The following LRP1 variants were observed in gnomAD, a reference collection of about 807,000 sequenced individuals.
LRP1 encodes LDL receptor related protein 1.
A neutral mutation model predicts 541.5 loss-of-function variants in LRP1; 51 were observed. The ratio of observed to expected loss-of-function variants is 0.09; its 90% CI spans 0.08 to 0.12. LRP1 has a LOEUF of 0.12. LRP1 is among the 10% of genes least tolerant of loss of function. LRP1 has a pLI of 1.00. For synonymous variants in LRP1, 2,219 were observed against 2,470.8 expected, an observed-to-expected ratio of 0.90 and a Z score of 3.02; for missense variants, 3,878 against 6,376.2, an observed-to-expected ratio of 0.61 and a Z score of 13.34.
At position 57,197,657 on chromosome 12, in the gene LRP1, A is replaced by T. The variant is rs1396153513; in HGVS notation, c.9275A>T (p.Asn3092Ile). The T allele has an allele frequency of 6.2e-7, 1 of 1,613,682 alleles. No homozygotes were observed. The highest frequency in any genetic ancestry group is 8.5e-7 in the Non-Finnish European group (1 of 1,179,950). The change falls in exon 58 of 89, where the codon AAT (asparagine) becomes ATT (isoleucine). Residue 3092 changes from asparagine to isoleucine, a missense_variant. Coordinates refer to ENST00000243077, the MANE Select transcript of LRP1 (RefSeq NM_002332.3). This position sits in a 1 kb window ranked among gnomAD's most constrained non-coding sequence, Gnocchi z 4.5. ...CGAAGGATGCACCTTAACGGGAGCA[A>T]TGTGCAGGTGAGGCGGGCGGCCCTC... ...MIRRMHLNGS[N>I]VQVLHRTGLS...
chr12:57,200,664 C>T (rs1395427951), intron 63 of LRP1, 35 bp from the exon 64 acceptor site: 4 of 1,592,386 alleles, frequency 2.5e-6, no homozygotes, highest in Non-Finnish European at 3.4e-6. Context: ...GTGTCCACCC[C>T]AGCCGCTCTG....
intron 6 of LRP1, chr12:57,149,856 G>A (rs1420591912): frequency 4.5e-6 from 3 of 673,762 alleles, no homozygotes; most frequent in South Asian, 3.2e-5. Context: ...CACCTTCGAA[G>A]TCCTCAGACT....
Position 57,197,641 on chromosome 12 carries a change from C to T in LRP1, c.9259C>T (p.His3087Tyr), listed in dbSNP as rs2229279. 1,737 of 1,614,012 alleles carry T rather than the reference C, an allele frequency of 1.1e-3. 20 individuals carry two copies. Among genetic ancestry groups the T allele is most frequent in the Middle Eastern group, 1.7e-4 (1 of 6,054 alleles). The part of the protein sequence containing the change: ...TTQGSMIRRM[H>Y]LNGSNVQVLH... ...CCAGGGCAGCATGATCCGAAGGATG[C>T]ACCTTAACGGGAGCAATGTGCAGGT... is the stretch of plus-strand genomic sequence containing the variant. Residue 3087 changes from histidine to tyrosine, a missense_variant, in exon 58 of 89, where the codon CAC (histidine) becomes TAC (tyrosine). Around this residue, in one of 13 missense-constraint regions of LRP1, gnomAD observed 1,100 missense variants for 1,827.4 expected, o/e 0.60. Coordinates refer to ENST00000243077, the MANE Select transcript of LRP1 (RefSeq NM_002332.3). This position sits in a 1 kb window ranked among gnomAD's most constrained non-coding sequence, Gnocchi z 4.5.
In LRP1 at chr12:57,158,543, C is replaced by G; in HGVS notation, c.1703C>G (p.Ala568Gly). 6.2e-7 allele frequency: 1 copy of G among 1,614,228 alleles called. No individual in the cohort carries two copies. The highest frequency in any genetic ancestry group is 8.5e-7 in the Non-Finnish European group (1 of 1,180,042). The change falls in exon 11 of 89, where the codon GCT becomes GGT. Residue 568 changes from alanine (A) to glycine (G), a missense_variant. By Grantham distance (60) the Ala-to-Gly change is moderately conservative. Coordinates refer to ENST00000243077, the MANE Select transcript of LRP1 (RefSeq NM_002332.3). This position sits in a 1 kb window ranked among gnomAD's most constrained non-coding sequence, Gnocchi z 5.3. Reference protein sequence around the residue: ...LMNPRALDFHAETGFIYFADT... With the variant: ...LMNPRALDFHGETGFIYFADT... ...AACCCCCGAGCCCTGGACTTCCACGCTGAGACCGGCTTCATCTACTTTGCC... is the reference window on the plus strand; with the variant it reads ...AACCCCCGAGCCCTGGACTTCCACGGTGAGACCGGCTTCATCTACTTTGCC...
At chr12:57,193,789 C>T (rs2036466708) in intron 47 of LRP1, 104 bp downstream of exon 47, 1 of 1,603,118 alleles carries the variant, frequency 6.2e-7, no homozygotes, top group Non-Finnish European at 8.5e-7. Context: ...GTTCAAGGCA[C>T]TCTGTGACAG....
intron 12 of LRP1, among the ~76,000 whole-genome samples, chr12:57,160,427 C>T (rs946274691): frequency 9.9e-5 from 15 of 152,270 alleles, no homozygotes; most frequent in Admixed American, 9.8e-4. Context: ...TCTTGGAGTT[C>T]CTCAGCCTGG....
Position 57,204,346 on chromosome 12 carries a change from T to TGTGGAGACAGGGGTCTGG in LRP1, c.10952-59_10952-42dup. On this transcript the variant is annotated intron_variant, in intron 70 of 88. Coordinates refer to ENST00000243077, the MANE Select transcript of LRP1 (RefSeq NM_002332.3). This position sits in a 1 kb window ranked among gnomAD's most constrained non-coding sequence, Gnocchi z 5.3. The stretch of plus-strand genomic sequence containing the variant: ...CCCCTCTGAGCCTGGAACCCCCACC[T>TGTGGAGACAGGGGTCTGG]GTGGAGACAGGGGTCTGGGTGGGCT... The TGTGGAGACAGGGGTCTGG allele has an allele frequency of 6.8e-7, 1 of 1,464,184 alleles. No individual in the cohort carries two copies. Among genetic ancestry groups the TGTGGAGACAGGGGTCTGG allele is most frequent in the East Asian group, 2.3e-5 (1 of 42,602 alleles). 90.7% of individuals were successfully genotyped at this position (1,464,184 alleles called of 1,614,324 possible).
At chr12:57,147,013 T>G (rs1406261881) in intron 6 of LRP1, among the ~76,000 whole-genome samples, 8 of 151,918 alleles carry the variant, frequency 5.3e-5, no homozygotes, top group Non-Finnish European at 1.2e-4. Context: ...CTTCTCAACT[T>G]CTACTCTGGC....
In LRP1 at chr12:57,210,498, G is replaced by A. The variant is rs745453667; in HGVS notation, c.12754+18G>A. On this transcript the variant is annotated intron_variant, in intron 82 of 88. Transcript: ENST00000243077. ...CCCCTCTGGTATGCCCCCTCATCCC[G>A]CCACGCCTGCTCCTTGCCCCTGGGC... The A allele has an allele frequency of 1.3e-5, 19 of 1,518,354 alleles. No homozygotes were observed. Among genetic ancestry groups the A allele is most frequent in the African/African-American group, 1.2e-4 (9 of 72,104 alleles). 94.1% of individuals were successfully genotyped at this position (1,518,354 alleles called of 1,614,324 possible). A position where few individuals can be genotyped will look rare whatever the true frequency, so the allele number is the denominator to read the frequency against.
At position 57,197,480 on chromosome 12, in the gene LRP1, C is replaced by T. The variant is rs1592653747; in HGVS notation, c.9163-65C>T. Reference sequence around the variant, plus strand: ...CCGCTTAGGTCCAACCATCCCTCCCCCAGATGCAAATGTGGCCCCTGTTGC... The same window carrying T: ...CCGCTTAGGTCCAACCATCCCTCCCTCAGATGCAAATGTGGCCCCTGTTGC... On this transcript the variant is annotated intron_variant, in intron 57 of 88. Transcript: ENST00000243077. This position sits in a 1 kb window ranked among gnomAD's most constrained non-coding sequence, Gnocchi z 4.5. 22 of 1,613,340 alleles carry T rather than the reference C, an allele frequency of 1.4e-5. No individual in the cohort carries two copies. The highest frequency in any genetic ancestry group is 1.9e-5 in the Non-Finnish European group (22 of 1,179,468).
rs2034965423 is a variant in LRP1, at chr12:57,128,631, A to C, written c.-334A>C. The C allele has an allele frequency of 7.4e-6, 3 of 406,132 alleles. No individual in the cohort carries two copies. The highest frequency in any genetic ancestry group is 9.1e-5 in the South Asian group (1 of 10,948). 25.2% of individuals were successfully genotyped at this position (406,132 alleles called of 1,614,324 possible). ...CACCCCCCCTCCCCGCCTCCTCCCA[A>C]TTGTGCATTTTTGCAGCCGGAGGCG... On this transcript the variant is annotated 5_prime_UTR_variant, in exon 1 of 89. Transcript: ENST00000243077.
At chr12:57,142,222 G>A (rs1000631972) in intron 3 of LRP1, among the ~76,000 whole-genome samples, 1 of 152,382 alleles carries the variant, frequency 6.6e-6, no homozygotes, top group East Asian at 1.9e-4. Flanking sequence ...GGGAGGCAGA[G>A]CCTCAAGCCT....
intron 4 of LRP1, chr12:57,144,703 A>G (rs1035315447): frequency 2.0e-6 from 1 of 492,328 alleles, no homozygotes; most frequent in Admixed American, 3.3e-5. Flanking sequence ...AAGTTCACTG[A>G]TGCACCCCTG....
chr12:57,191,924 C>CACAGG, intron 44 of LRP1, among the ~76,000 whole-genome samples: 1 of 1,162 alleles, frequency 8.6e-4, no homozygotes, highest in South Asian at 0.019. Context: ...ACACACACTA[C>CACAGG]ACATACCACA....
Position 57,198,685 on chromosome 12 carries a change from G to A in LRP1, c.9676+15G>A, listed in dbSNP as rs2036586191. On this transcript the variant is annotated intron_variant, in intron 60 of 88. Coordinates refer to ENST00000243077, the MANE Select transcript of LRP1 (RefSeq NM_002332.3). ...TCGCCACGTTGGTCAGTGTGCCAGT[G>A]AGGCTGTCCAGGCACAGCAGACTCA... 4 of 1,597,554 alleles carry A rather than the reference G, an allele frequency of 2.5e-6. No individual in the cohort carries two copies. In the East Asian group the frequency reaches 6.8e-5, roughly 27 times the overall value.
At chr12:57,132,693 G>GTT (rs997905352) in intron 1 of LRP1, among the ~76,000 whole-genome samples, 4 of 152,082 alleles carry the variant, frequency 2.6e-5, no homozygotes, top group African/African-American at 9.7e-5. Flanking sequence ...CACCCTCTCA[G>GTT]TTCATCTCTT....
intron 3 of LRP1, among the ~76,000 whole-genome samples, chr12:57,142,272 C>T (rs983311749): frequency 1.3e-5 from 2 of 152,174 alleles, no homozygotes; most frequent in East Asian, 1.9e-4. Context: ...CTCTTTTCTT[C>T]GGGGTCTGGG....
In LRP1 at chr12:57,201,760, C is replaced by T. The variant is rs1226530012; in HGVS notation, c.10469-20C>T. 1 of 1,613,556 alleles carries T rather than the reference C, an allele frequency of 6.2e-7. No individual in the cohort carries two copies. The highest frequency in any genetic ancestry group is 8.5e-7 in the Non-Finnish European group (1 of 1,179,736). ...TCCTGGAAGGAGTCTCATCCTCACC[C>T]CATGCCCACCCGCTTGCAGCCCAGA... On this transcript the variant is annotated intron_variant, in intron 66 of 88. Coordinates refer to ENST00000243077, the MANE Select transcript of LRP1 (RefSeq NM_002332.3). The surrounding 1 kb of genome is among the most constrained non-coding windows in gnomAD (Gnocchi z 6.4).
At chr12:57,130,869 T>A (rs1373550759) in intron 1 of LRP1, among the ~76,000 whole-genome samples, 1 of 152,102 alleles carries the variant, frequency 6.6e-6, no homozygotes, top group Non-Finnish European at 1.5e-5. Context: ...CCTCTGTATC[T>A]CCAGCTCAGA....
Sources: allele counts gnomAD v4.1 joint callset (sites outside exome capture counted in the v4.1 genomes callset), GRCh38; gene constraint gnomAD v4.1.1; regional missense constraint gnomAD v4.1.1; non-coding constraint Gnocchi (gnomAD v3.1); transcripts MANE v1.5; gene names NCBI Gene and HGNC (gene_info 2026-07-23, HGNC 2026-07-21).